The following SV2C variants were observed in gnomAD, a reference collection of about 807,000 sequenced individuals.
The protein encoded by SV2C is solute carrier family 22 member B3.
SV2C carries 49 observed loss-of-function variants against 79.7 expected under a neutral mutation model. That is an observed-to-expected ratio of 0.61 (90% CI 0.49 to 0.78). The LOEUF is 0.78. SV2C is among the 30% of genes least tolerant of loss of function. The probability of loss-of-function intolerance (pLI) is 0.00; values close to 1 mark genes in which losing one functional copy is unlikely to be tolerated. For synonymous variants in SV2C, 334 were observed against 333.2 expected (o/e 1.00, Z -0.03); for missense variants, 833 against 912.9 (o/e 0.91, Z 1.13).
the SV2C span, among the ~76,000 whole-genome samples, chr5:75,891,401 A>G: frequency 6.6e-6 from 1 of 152,134 alleles, no homozygotes; most frequent in Non-Finnish European, 1.5e-5. Context: ...AATAGATAAC[A>G]TGTTCACTCA....
intron 1 of SV2C, among the ~76,000 whole-genome samples, chr5:76,084,886 C>T (rs1383722672): frequency 6.6e-6 from 1 of 151,794 alleles, no homozygotes; most frequent in South Asian, 2.1e-4. Context: ...CCTGGGCTGG[C>T]GGGCAGGCGG....
intron 4 of SV2C, among the ~76,000 whole-genome samples, chr5:76,222,475 C>T (rs1745095303): frequency 6.6e-6 from 1 of 151,940 alleles, no homozygotes; most frequent in Non-Finnish European, 1.5e-5. Flanking sequence ...GGGTGTATGA[C>T]TATAAAGGAG....
At chr5:76,344,927 A>G (rs1027218818) in intron 12 of SV2C, among the ~76,000 whole-genome samples, 1 of 152,224 alleles carries the variant, frequency 6.6e-6, no homozygotes, top group Non-Finnish European at 1.5e-5. Context: ...TTGTCCCAAA[A>G]TGCACAGCTA....
At chr5:75,874,467 A>T in the SV2C span, among the ~76,000 whole-genome samples, 1 of 152,156 alleles carries the variant, frequency 6.6e-6, no homozygotes, top group East Asian at 1.9e-4. Flanking sequence ...TGGGCAAAAG[A>T]TGGAAGCATT....
At chr5:76,300,190 A>ATTATTATTATTAT in intron 10 of SV2C, among the ~76,000 whole-genome samples, 1 of 131,690 alleles carries the variant, frequency 7.6e-6, no homozygotes, top group African/African-American at 2.8e-5. Flanking sequence ...TATTATTATT[A>ATTATTATTATTAT]TTTTTGTAGA....
chr5:75,992,572 T>C, the SV2C span, among the ~76,000 whole-genome samples: 81 of 152,152 alleles, frequency 5.3e-4, no homozygotes, highest in African/African-American at 1.9e-3. Flanking sequence ...CCGGTCATGT[T>C]TCCTCTTTCA....
At chr5:76,280,904 T>C (rs4496693) in intron 4 of SV2C, 65,853 of 509,584 alleles carry the variant, frequency 0.13, 5,131 homozygotes, top group African/African-American at 0.26. Flanking sequence ...AGTGAGGGTC[T>C]GCTGTGTTCC....
At chr5:75,924,809 T>C in the SV2C span, among the ~76,000 whole-genome samples, 12 of 149,872 alleles carry the variant, frequency 8.0e-5, no homozygotes, top group Admixed American at 6.6e-4. Flanking sequence ...AAAAATAAAA[T>C]AGGAAAAATC....
the SV2C span, among the ~76,000 whole-genome samples, chr5:76,060,220 T>C: frequency 9.9e-4 from 150 of 152,236 alleles, no homozygotes; most frequent in South Asian, 0.012. Flanking sequence ...CTAGCTACAT[T>C]AGCCTCTAAT....
At chr5:76,019,418 G>GA in the SV2C span, among the ~76,000 whole-genome samples, 357 of 152,272 alleles carry the variant, frequency 2.3e-3, 1 homozygote, top group African/African-American at 8.4e-3. Context: ...AGGAGTAAAA[G>GA]AAAGACCGAT....
intron 2 of SV2C, among the ~76,000 whole-genome samples, chr5:76,165,517 A>G (rs1743019450): frequency 6.6e-6 from 1 of 152,164 alleles, no homozygotes. Context: ...CCTCAACCCT[A>G]ACCCCTGGCA....
At chr5:76,293,425 C>T (rs1747626775) in intron 8 of SV2C, among the ~76,000 whole-genome samples, 1 of 151,910 alleles carries the variant, frequency 6.6e-6, no homozygotes, top group South Asian at 2.1e-4. Context: ...CTGCTATATC[C>T]CTGGAACCTC....
the SV2C span, among the ~76,000 whole-genome samples, chr5:75,924,847 T>C: frequency 1.3e-5 from 2 of 152,008 alleles, no homozygotes; most frequent in African/African-American, 4.8e-5. Context: ...AATCTAGGAA[T>C]GGGGGAGACC....
At chr5:75,984,567 A>ATATC in the SV2C span, among the ~76,000 whole-genome samples, 2,063 of 102,786 alleles carry the variant, frequency 0.02, 21 homozygotes, top group Non-Finnish European at 0.03. Context: ...CTATCTATCT[A>ATATC]TATCTATCTA....
the SV2C span, among the ~76,000 whole-genome samples, chr5:75,981,126 A>C: frequency 6.6e-6 from 1 of 152,146 alleles, no homozygotes; most frequent in Non-Finnish European, 1.5e-5. Flanking sequence ...TTGCCATAAA[A>C]TGAATAAAAT....
chr5:76,078,452 G>A (rs973334179), upstream of SV2C, among the ~76,000 whole-genome samples: 1 of 152,214 alleles, frequency 6.6e-6, no homozygotes, highest in Non-Finnish European at 1.5e-5. Context: ...ATGAGTATTA[G>A]AATGTAAGAG....
chr5:76,077,040 A>G, the SV2C span, among the ~76,000 whole-genome samples: 13 of 152,254 alleles, frequency 8.5e-5, no homozygotes, highest in Non-Finnish European at 1.3e-4. Flanking sequence ...AGAAGTATTC[A>G]TTAGAATTTT....
At chr5:76,289,452 T>C (rs1342683345) in intron 6 of SV2C, among the ~76,000 whole-genome samples, 1 of 152,190 alleles carries the variant, frequency 6.6e-6, no homozygotes, top group African/African-American at 2.4e-5. Flanking sequence ...ATGGCATCTT[T>C]AAATCTGAAT....
chr5:76,036,118 T>A, the SV2C span, among the ~76,000 whole-genome samples: 1 of 151,956 alleles, frequency 6.6e-6, no homozygotes, highest in Non-Finnish European at 1.5e-5. Flanking sequence ...TCCATCCTTT[T>A]ATTTTGAGCC....
Sources: allele counts gnomAD v4.1 joint callset (sites outside exome capture counted in the v4.1 genomes callset), GRCh38; gene constraint gnomAD v4.1.1; transcripts MANE v1.5; gene names NCBI Gene and HGNC (gene_info 2026-07-23, HGNC 2026-07-21).